Variants in SERPINB4 observed in about 807,000 individuals in gnomAD.
SERPINB4 encodes the protein serpin B4.
Under a neutral mutation model 33.2 loss-of-function variants are expected in SERPINB4, and 39 were observed. The ratio of observed to expected loss-of-function variants is 1.18; its 90% CI spans 0.91 to 1.53. The LOEUF (loss-of-function observed/expected upper bound fraction) is 1.53, where lower values mean the gene tolerates loss of function less well. SERPINB4 is among the 40% of genes most tolerant of loss of function. The pLI is 0.00. For synonymous variants in SERPINB4, 191 were observed against 166.4 expected (o/e 1.15, Z -1.14); for missense variants, 564 against 455.4 (o/e 1.24, Z -2.17).
Position 63,643,538 on chromosome 18 carries a change from C to A in SERPINB4, c.40G>T (p.Asp14Tyr), listed in dbSNP as rs142793146. ...LSEANTKFMFDLFQQFRKSKE... is the reference protein window; with the variant it reads ...LSEANTKFMFYLFQQFRKSKE... ...GATTTTCTGAACTGTTGGAACAGAT[C>A]GAACATGAACTTGGTGTTGGCTTCA... Residue 14 changes from aspartate to tyrosine, a missense_variant, in exon 2 of 8, where the codon GAT becomes TAT. By Grantham distance (160) the Asp-to-Tyr change is radical (BLOSUM62 -3). Coordinates refer to ENST00000341074, the MANE Select transcript of SERPINB4 (RefSeq NM_002974.4). The A allele has an allele frequency of 3.7e-6, 6 of 1,613,446 alleles. No homozygotes were observed. Among genetic ancestry groups the A allele is most frequent in the East Asian group, 4.5e-5 (2 of 44,870 alleles).
chr18:63,640,155 CG>C (rs917106719), intron 5 of SERPINB4, among the ~76,000 whole-genome samples: 1 of 151,748 alleles, frequency 6.6e-6, no homozygotes, highest in Non-Finnish European at 1.5e-5. Flanking sequence ...TTTTTAACTA[CG>C]GGGTCCCCAT....
chr18:63,639,407 A>G, intron 6 of SERPINB4, 67 bp from the exon 7 acceptor site: 1 of 1,428,252 alleles, frequency 7.0e-7, no homozygotes, highest in Non-Finnish European at 9.6e-7. Context: ...AATATTATTG[A>G]GATAGCAACA....
At chr18:63,639,478 A>G in intron 6 of SERPINB4, 138 bp from the exon 7 acceptor site, 1 of 1,049,636 alleles carries the variant, frequency 9.5e-7, no homozygotes, top group Non-Finnish European at 1.4e-6. Flanking sequence ...ATAGTTTTTC[A>G]GGTATTCCTA....
At chr18:63,639,433 A>C (rs1889117980) in intron 6 of SERPINB4, 93 bp from the exon 7 acceptor site, 1 of 1,284,468 alleles carries the variant, frequency 7.8e-7, no homozygotes. Flanking sequence ...TTCTTCTTCT[A>C]AGAAATAACC....
In SERPINB4 at chr18:63,640,258, C is replaced by A. The variant is rs1228629693; in HGVS notation, c.470-482G>T. 2.0e-5 allele frequency among the ~76,000 whole-genome samples: 3 copies of A among 151,904 alleles called. 1 individual carries two copies. The highest frequency in any genetic ancestry group is 7.3e-5 in the African/African-American group (3 of 41,364). ...GTCCTGTGCTGTCAGACACTACTTC[C>A]GGGGGTATCTTCCTATTCACTCTCA... On this transcript the variant is annotated intron_variant, in intron 5 of 7. Coordinates refer to ENST00000341074, the MANE Select transcript of SERPINB4 (RefSeq NM_002974.4).
chr18:63,642,053 C>G (rs1427795420), intron 3 of SERPINB4, among the ~76,000 whole-genome samples, 165 bp from the exon 4 acceptor site: 1 of 152,092 alleles, frequency 6.6e-6, no homozygotes, highest in African/African-American at 2.4e-5. Flanking sequence ...CCTTCAAAAT[C>G]CACCTTATAT....
intron 2 of SERPINB4, 49 bp downstream of exon 2, chr18:63,643,364 G>GA (rs772188822): frequency 6.8e-5 from 110 of 1,612,022 alleles, no homozygotes; most frequent in Non-Finnish European, 8.8e-5. Context: ...CTAGCCGACG[G>GA]AACCAGAGAA....
chr18:63,637,602 C>CT lies in SERPINB4; in HGVS notation c.*116_*117insA, dbSNP rs1912966560. 2 of 1,054,720 alleles carry CT rather than the reference C, an allele frequency of 1.9e-6. No individual in the cohort carries two copies. The highest frequency in any genetic ancestry group is 4.9e-5 in the East Asian group (2 of 41,110). The allele number at this position is 1,054,720 out of a possible 1,614,324, so 65.3% of individuals were successfully genotyped here. A position where few individuals can be genotyped will look rare whatever the true frequency, so the allele number is the denominator to read the frequency against. On this transcript the variant is annotated 3_prime_UTR_variant, in exon 8 of 8. Transcript: ENST00000341074. ...TTAAATTCTTGATGATGACTATCAT[C>CT]ATCAAGATGAGATAGAAAAGAAATA...
rs34081464 is a variant in SERPINB4, at chr18:63,639,159, G to A, written c.768+26C>T. ...TTGGAAAAATGTCCGGCAGTAGAAG[G>A]AAGAGTTGTAGATGCAAGTTCTTAC... On this transcript the variant is annotated intron_variant, in intron 7 of 7. Transcript: ENST00000341074. 40 of 1,557,168 alleles carry A rather than the reference G, an allele frequency of 2.6e-5. No individual in the cohort carries two copies. The African/African-American group carries it at 5.1e-4, about 20-fold the overall frequency.
At chr18:63,638,329 C>T (rs77895406) in intron 7 of SERPINB4, among the ~76,000 whole-genome samples, 1 of 151,862 alleles carries the variant, frequency 6.6e-6, no homozygotes, top group African/African-American at 2.4e-5. Flanking sequence ...TATGTATATA[C>T]ATGTATGTAA....
chr18:63,641,681 C>G (rs1254891881), intron 4 of SERPINB4, 79 bp downstream of exon 4: 1 of 1,609,244 alleles, frequency 6.2e-7, no homozygotes. Flanking sequence ...GCTCATCTGC[C>G]TTGCTTTCTT....
intron 5 of SERPINB4, 61 bp downstream of exon 5, chr18:63,640,813 A>G (rs767493208): frequency 5.5e-6 from 8 of 1,441,856 alleles, no homozygotes; most frequent in Non-Finnish European, 7.8e-6. Context: ...TGCAGTGTCA[A>G]GCACAAGGCT....
rs201522197 is a variant in SERPINB4 at position 63,643,435 on chromosome 18, T to C, written c.143A>G (p.Asn48Ser). The change falls in exon 2 of 8, where the codon AAC becomes AGC. Residue 48 changes from asparagine to serine, a missense_variant. Coordinates refer to ENST00000341074, the MANE Select transcript of SERPINB4 (RefSeq NM_002974.4). ...LGMVLLGAKD[N>S]TAQQISKVLH... is the part of the protein sequence containing the mutation. ...TACCTTGCTAATTTGTTGTGCAGTG[T>C]TGTCTTTGGCTCCTAAGAGGACCAT... 1.1e-5 allele frequency: 18 copies of C among 1,613,722 alleles called. 1 individual carries two copies. The highest frequency in any genetic ancestry group is 1.4e-5 in the Non-Finnish European group (17 of 1,179,726).
Position 63,639,687 on chromosome 18 carries a change from C to T in SERPINB4, c.559G>A (p.Glu187Lys), listed in dbSNP as rs1272828136. The change falls in exon 6 of 8, where the codon GAG (glutamate) becomes AAG (lysine). Residue 187 changes from glutamate to lysine, a missense_variant. Coordinates refer to ENST00000341074, the MANE Select transcript of SERPINB4 (RefSeq NM_002974.4). ...GTGTTTTCTTTTTTAAATTTATTCT[C>T]CCACTGCCCTTTGAAATAGATTGCG... is the stretch of plus-strand genomic sequence containing the variant. Reference protein sequence around the residue: ...VNAIYFKGQWENKFKKENTKE... With the variant: ...VNAIYFKGQWKNKFKKENTKE... 1 of 1,611,486 alleles carries T rather than the reference C, an allele frequency of 6.2e-7. No homozygotes were observed. The highest frequency in any genetic ancestry group is 1.3e-5 in the African/African-American group (1 of 74,784).
At position 63,639,706 on chromosome 18, in the gene SERPINB4, G is replaced by C; in HGVS notation, c.540C>G (p.Ile180Met). The C allele has an allele frequency of 6.2e-7, 1 of 1,611,940 alleles. No individual in the cohort carries two copies. The highest frequency in any genetic ancestry group is 8.5e-7 in the Non-Finnish European group (1 of 1,178,476). ...TATTCTCCCACTGCCCTTTGAAATA[G>C]ATTGCGTTCACAAGAACCAGTGTCG... ...NDTTLVLVNA[I>M]YFKGQWENKF... The change falls in exon 6 of 8, where the codon ATC (isoleucine) becomes ATG (methionine). Residue 180 changes from isoleucine (I) to methionine (M), a missense_variant. Transcript: ENST00000341074.
At chr18:63,641,122 A>G (rs1425356433) in intron 4 of SERPINB4, 131 bp from the exon 5 acceptor site, 9 of 716,024 alleles carry the variant, frequency 1.3e-5, no homozygotes, top group Non-Finnish European at 2.1e-5. Context: ...CTGTCCATGG[A>G]TATTTTTATA....
At chr18:63,638,513 T>C (rs539484252) in intron 7 of SERPINB4, among the ~76,000 whole-genome samples, 1 of 152,118 alleles carries the variant, frequency 6.6e-6, no homozygotes, top group African/African-American at 2.4e-5. Context: ...CTCATCATAT[T>C]TTTCTGTATA....
rs373754301 is a variant in SERPINB4 at position 63,639,343 on chromosome 18, G to A, written c.613-3C>T. 2.5e-6 allele frequency: 4 copies of A among 1,596,844 alleles called. No homozygotes were observed. The highest frequency in any genetic ancestry group is 2.7e-5 in the African/African-American group (2 of 74,496). On this transcript the variant is annotated splice_region_variant and splice_polypyrimidine_tract_variant and intron_variant, in intron 6 of 7. Coordinates refer to ENST00000341074, the MANE Select transcript of SERPINB4 (RefSeq NM_002974.4). ...ATCTGTACAGATTTGTATGTATTCT[G>A]CAATAAATCAATGTGTCCAACAAAT...
intron 3 of SERPINB4, 134 bp downstream of exon 3, chr18:63,643,027 C>T (rs1913187604): frequency 9.7e-7 from 1 of 1,034,622 alleles, no homozygotes. Flanking sequence ...AATGCCAACC[C>T]ACTCTGTATG....
Sources: gnomAD v4.1 joint callset for allele counts (sites outside exome capture counted in the v4.1 genomes callset) on GRCh38, gnomAD v4.1.1 for gene constraint, MANE v1.5 for transcripts, NCBI Gene and HGNC (gene_info 2026-07-23, HGNC 2026-07-21) for gene names.